Variants in FOXP2 observed in about 807,000 individuals in gnomAD.
The protein encoded by FOXP2 is forkhead box P2.
A neutral mutation model predicts 115.8 loss-of-function variants in FOXP2; 12 were observed. That is an observed-to-expected ratio of 0.10 (90% confidence interval 0.07 to 0.17). The LOEUF (loss-of-function observed/expected upper bound fraction) is 0.17, where lower values mean the gene tolerates loss of function less well. FOXP2 is among the 10% of genes least tolerant of loss of function. The pLI is 1.00. For synonymous variants in FOXP2, 328 were observed against 297.7 expected (o/e 1.10, Z -1.05); for missense variants, 629 against 843.5 (o/e 0.75, Z 3.15).
chr7:114,521,848 C>G (rs1460851228), intron 2 of FOXP2, among the ~76,000 whole-genome samples: 2 of 152,094 alleles, frequency 1.3e-5, no homozygotes, highest in Non-Finnish European at 2.9e-5. Flanking sequence ...TGTAAAGGAG[C>G]TACTGTGTGC....
chr7:114,447,362 T>C (rs1794878937), intron 2 of FOXP2, among the ~76,000 whole-genome samples: 1 of 152,068 alleles, frequency 6.6e-6, no homozygotes, highest in Non-Finnish European at 1.5e-5. Flanking sequence ...ACCCAGAAGA[T>C]ACTTCGCACC....
intron 1 of FOXP2, among the ~76,000 whole-genome samples, chr7:114,265,413 C>A (rs1333681318): frequency 6.6e-6 from 1 of 152,202 alleles, no homozygotes; most frequent in Non-Finnish European, 1.5e-5. Flanking sequence ...CACACTGATA[C>A]AAGTGGTGGG....
At chr7:114,423,482 T>TTG (rs1274853960) in intron 1 of FOXP2, among the ~76,000 whole-genome samples, 1 of 151,644 alleles carries the variant, frequency 6.6e-6, no homozygotes, top group Admixed American at 6.6e-5. Flanking sequence ...GGCTGAAAAG[T>TTG]TGTGTACGAT....
intron 1 of FOXP2, among the ~76,000 whole-genome samples, chr7:114,253,669 T>C (rs1438401878): frequency 1.3e-5 from 2 of 152,202 alleles, no homozygotes; most frequent in Non-Finnish European, 2.9e-5. Context: ...ATCCCTTTAT[T>C]TTGAGCCTAT....
At chr7:114,590,760 G>A (rs2129307716) in intron 3 of FOXP2, among the ~76,000 whole-genome samples, 1 of 152,222 alleles carries the variant, frequency 6.6e-6, no homozygotes, top group South Asian at 2.1e-4. Flanking sequence ...ATTATCTAGG[G>A]AGAAGTGGAT....
rs73439570 is a variant in FOXP2 at position 114,216,233 on chromosome 7, G to A, written c.-102+53145G>A. On this transcript the variant is annotated intron_variant, in intron 1 of 17. Coordinates refer to the FOXP2 transcript ENST00000634411. ...CAAAAGTCGCCTCATGAACATGTGC[G>A]GCGAAAGGAATAGAGCTTCCACACA... 5.3e-3 allele frequency among the ~76,000 whole-genome samples: 807 copies of A among 152,200 alleles called. 8 individuals are homozygous for A. Among genetic ancestry groups the A allele is most frequent in the African/African-American group, 0.018 (731 of 41,522 alleles).
At chr7:114,679,852 C>T (rs1207099199) in intron 16 of FOXP2, among the ~76,000 whole-genome samples, 2 of 152,162 alleles carry the variant, frequency 1.3e-5, no homozygotes, top group African/African-American at 2.4e-5. Flanking sequence ...ACTGTGGCAT[C>T]GATCACATTC....
At chr7:114,532,319 G>T (rs1485107070) in intron 2 of FOXP2, among the ~76,000 whole-genome samples, 1 of 151,880 alleles carries the variant, frequency 6.6e-6, no homozygotes, top group Non-Finnish European at 1.5e-5. Flanking sequence ...AAACAAAAAG[G>T]TTATATTGTT....
intron 2 of FOXP2, among the ~76,000 whole-genome samples, chr7:114,486,988 G>A (rs997340546): frequency 6.6e-6 from 1 of 152,174 alleles, no homozygotes; most frequent in Non-Finnish European, 1.5e-5. Context: ...CTGGGGTCTG[G>A]AGGATGGTGG....
chr7:114,362,854 C>T lies in FOXP2; in HGVS notation c.-10-63648C>T, dbSNP rs543285542. Among the ~76,000 whole-genome samples the T allele has an allele frequency of 7.9e-5, 12 of 152,008 alleles. No individual in the cohort carries two copies. In the South Asian group the frequency reaches 1.0e-3, roughly 13 times the overall value. ...GGTGAACAAGTAAGGGGACAAAAGA[C>T]GAGGGAATTAAGAGGAGCATAGCTG... On this transcript the variant is annotated intron_variant, in intron 2 of 17. Coordinates refer to the FOXP2 transcript ENST00000634411.
intron 2 of FOXP2, among the ~76,000 whole-genome samples, chr7:114,371,532 A>C (rs1323564610): frequency 6.6e-6 from 1 of 152,134 alleles, no homozygotes; most frequent in East Asian, 1.9e-4. Flanking sequence ...GATGTAAAAG[A>C]TATATGCTTT....
chr7:114,131,775 C>A lies in FOXP2; in HGVS notation c.-246-31169C>A, dbSNP rs188200948. On this transcript the variant is annotated intron_variant, in intron 1 of 19. Coordinates refer to the FOXP2 transcript ENST00000635638. ...AAAAAGGACTGAAATTGTGAAAATTCTTTGTACAAAGCTGTATGAGTTGCA... is the reference window on the plus strand; with the variant it reads ...AAAAAGGACTGAAATTGTGAAAATTATTTGTACAAAGCTGTATGAGTTGCA... 1.4e-4 allele frequency among the ~76,000 whole-genome samples: 22 copies of A among 152,238 alleles called. No individual in the cohort carries two copies. In the East Asian group the frequency reaches 3.7e-3, roughly 25 times the overall value.
chr7:114,226,293 C>T (rs1377467385), intron 1 of FOXP2, among the ~76,000 whole-genome samples: 2 of 152,134 alleles, frequency 1.3e-5, no homozygotes, highest in East Asian at 3.9e-4. Flanking sequence ...AACCTCAGAT[C>T]ATTTGTTTGA....
chr7:114,184,138 T>TA, intron 1 of FOXP2, among the ~76,000 whole-genome samples: 1 of 152,312 alleles, frequency 6.6e-6, no homozygotes, highest in Non-Finnish European at 1.5e-5. Flanking sequence ...TGGTGAATGT[T>TA]ACTATTTTGC....
Position 114,149,035 on chromosome 7 carries a change from C to T in FOXP2, c.-246-13909C>T, listed in dbSNP as rs193172583. 1.7e-3 allele frequency among the ~76,000 whole-genome samples: 260 copies of T among 152,142 alleles called. 1 individual carries two copies. Among genetic ancestry groups the T allele is most frequent in the African/African-American group, 5.9e-3 (247 of 41,542 alleles). On this transcript the variant is annotated intron_variant, in intron 1 of 19. Transcript: ENST00000635638. The stretch of plus-strand genomic sequence containing the variant: ...TGGCTAAATCATTGAATTGTTAGTG[C>T]GGAACATAGCCTCTGGAATATGGTG...
chr7:114,351,889 A>T (rs1329464512), intron 2 of FOXP2, among the ~76,000 whole-genome samples: 1 of 152,162 alleles, frequency 6.6e-6, no homozygotes, highest in Non-Finnish European at 1.5e-5. Context: ...TTATTCTAAT[A>T]TCAGATGTAG....
intron 2 of FOXP2, among the ~76,000 whole-genome samples, chr7:114,377,932 G>A (rs1792182551): frequency 6.6e-6 from 1 of 152,092 alleles, no homozygotes; most frequent in Non-Finnish European, 1.5e-5. Context: ...TGCTCCTTTT[G>A]TCCAAGTTCT....
chr7:114,626,711 G>A (rs142987005), intron 3 of FOXP2, among the ~76,000 whole-genome samples: 1,524 of 151,380 alleles, frequency 0.01, 21 homozygotes, highest in African/African-American at 0.035. Context: ...ATGATTGTTC[G>A]AAGAAAAGAC....
At chr7:114,395,757 C>T (rs1222017828) in intron 2 of FOXP2, among the ~76,000 whole-genome samples, 1 of 151,904 alleles carries the variant, frequency 6.6e-6, no homozygotes, top group African/African-American at 2.4e-5. Flanking sequence ...TTTCAATTAA[C>T]ATAATGTCCT....
Sources: allele counts gnomAD v4.1 joint callset (sites outside exome capture counted in the v4.1 genomes callset), GRCh38; gene constraint gnomAD v4.1.1; transcripts MANE v1.5; gene names NCBI Gene and HGNC (gene_info 2026-07-23, HGNC 2026-07-21).